The following RPAP3 variants were observed in gnomAD, a reference collection of about 807,000 sequenced individuals.
RPAP3 encodes RNA polymerase II-associated protein 3.
A neutral mutation model predicts 88.8 loss-of-function variants in RPAP3; 58 were observed. The ratio of observed to expected loss-of-function variants is 0.65; its 90% CI spans 0.53 to 0.81. RPAP3 has a LOEUF of 0.81. Ranked by LOEUF, RPAP3 falls within the 40% of genes least tolerant of loss-of-function variation. RPAP3 has a pLI of 0.00. For missense variants in RPAP3, 751 were observed against 764.3 expected, an observed-to-expected ratio of 0.98 and a Z score of 0.20; for synonymous variants, 255 against 259.9, an observed-to-expected ratio of 0.98 and a Z score of 0.18.
At chr12:47,668,814 A>G in intron 14 of RPAP3, 102 bp downstream of exon 14, 1 of 819,106 alleles carries the variant, frequency 1.2e-6, no homozygotes, top group South Asian at 1.7e-5. Flanking sequence ...TAATTTCTAC[A>G]ATAATATCCT....
At chr12:47,700,543 A>G (rs1474332571) in intron 3 of RPAP3, among the ~76,000 whole-genome samples, 2 of 152,230 alleles carry the variant, frequency 1.3e-5, no homozygotes, top group East Asian at 3.8e-4. Context: ...CCCAACATAC[A>G]TACCCCTAAC....
chr12:47,688,514 A>G (rs1939368539), intron 7 of RPAP3, among the ~76,000 whole-genome samples: 1 of 152,216 alleles, frequency 6.6e-6, no homozygotes, highest in African/African-American at 2.4e-5. Context: ...AAATAAATAA[A>G]TAAGTAGCAT....
At chr12:47,680,208 C>A (rs1015830197) in intron 10 of RPAP3, among the ~76,000 whole-genome samples, 1 of 152,084 alleles carries the variant, frequency 6.6e-6, no homozygotes, top group Admixed American at 6.6e-5. Flanking sequence ...GGCAAAAGGA[C>A]AAATACTGCA....
intron 14 of RPAP3, 60 bp downstream of exon 14, chr12:47,668,856 A>G (rs1226914997): frequency 7.7e-7 from 1 of 1,297,348 alleles, no homozygotes; most frequent in Non-Finnish European, 1.1e-6. Context: ...ATTATTATAA[A>G]GTGACAGAAG....
chr12:47,669,899 AC>A (rs1938960179), intron 13 of RPAP3, among the ~76,000 whole-genome samples: 1 of 152,214 alleles, frequency 6.6e-6, no homozygotes, highest in Non-Finnish European at 1.5e-5. Flanking sequence ...TTTAAATTTC[AC>A]ACTGTGGTTA....
chr12:47,688,853 T>C (rs1939374550), intron 7 of RPAP3, among the ~76,000 whole-genome samples: 1 of 152,114 alleles, frequency 6.6e-6, no homozygotes, highest in Admixed American at 6.6e-5. Context: ...AGAAAATCAG[T>C]GGGATAAAAA....
At chr12:47,676,372 C>T (rs1053676203) in intron 12 of RPAP3, among the ~76,000 whole-genome samples, 29 of 152,172 alleles carry the variant, frequency 1.9e-4, no homozygotes, top group Middle Eastern at 6.8e-3. Flanking sequence ...CAAAACCTAG[C>T]AGAAGGCAAG....
rs766199540 is a variant in RPAP3 at position 47,696,410 on chromosome 12, GA to G, written c.418-8del. Reference sequence around the variant, plus strand: ...GTTTGAAGTATTTATTGCCCTGAAAGAAAATTATATAAAATGATCTTTTTTA... The same window carrying G: ...GTTTGAAGTATTTATTGCCCTGAAAGAAATTATATAAAATGATCTTTTTTA... On this transcript the variant is annotated splice_polypyrimidine_tract_variant and splice_region_variant and intron_variant, in intron 4 of 16. Transcript: ENST00000005386. The G allele has an allele frequency of 1.0e-5, 16 of 1,545,336 alleles. No homozygotes were observed. The highest frequency in any genetic ancestry group is 4.0e-5 in the Admixed American group (2 of 50,468).
intron 9 of RPAP3, 117 bp from the exon 10 acceptor site, chr12:47,681,934 TCTGTG>T: frequency 2.0e-6 from 2 of 989,206 alleles, no homozygotes; most frequent in Non-Finnish European, 2.8e-6. Context: ...AACTTCTAAA[TCTGTG>T]TTTGAAGTGG....
At chr12:47,667,882 G>T (rs1365715532) in intron 14 of RPAP3, 31 bp from the exon 15 acceptor site, 5 of 1,323,134 alleles carry the variant, frequency 3.8e-6, no homozygotes, top group South Asian at 1.2e-5. Context: ...ACAATTACTT[G>T]ATGGCAACAC....
Position 47,662,985 on chromosome 12 carries a change from T to C in RPAP3, c.*520A>G, listed in dbSNP as rs547298365. On this transcript the variant is annotated 3_prime_UTR_variant, in exon 17 of 17. Transcript: ENST00000005386. ...CAATTAACCTAGTTTGAAAGTCTAG[T>C]TAAAAGTCTTCTTTCTTTCAACATA... 1 of 152,430 alleles carries C rather than the reference T, an allele frequency of 6.6e-6. No homozygotes were observed. The highest frequency in any genetic ancestry group is 1.5e-5 in the Non-Finnish European group (1 of 68,076). The allele number at this position is 152,430 out of a possible 1,614,324, so 9.4% of individuals were successfully genotyped here. A position where few individuals can be genotyped will look rare whatever the true frequency, so the allele number is the denominator to read the frequency against.
At chr12:47,686,359 C>T (rs992718466) in intron 9 of RPAP3, among the ~76,000 whole-genome samples, 3 of 152,140 alleles carry the variant, frequency 2.0e-5, no homozygotes, top group African/African-American at 7.2e-5. Flanking sequence ...GCCCAAGGGG[C>T]TCTGAAGTGA....
intron 3 of RPAP3, 193 bp downstream of exon 3, chr12:47,701,271 A>C (rs1939648714): frequency 5.3e-6 from 2 of 377,890 alleles, no homozygotes; most frequent in African/African-American, 2.1e-5. Flanking sequence ...TTGCTGAAAG[A>C]GGATTGCAGA....
chr12:47,678,607 T>C (rs1170502454), intron 12 of RPAP3, among the ~76,000 whole-genome samples: 1 of 152,176 alleles, frequency 6.6e-6, no homozygotes, highest in African/African-American at 2.4e-5. Flanking sequence ...CAGACACTTC[T>C]CAAAAGAAGA....
At chr12:47,688,160 T>C (rs1244381165) in intron 7 of RPAP3, among the ~76,000 whole-genome samples, 159 bp from the exon 8 acceptor site, 2 of 152,224 alleles carry the variant, frequency 1.3e-5, no homozygotes. Context: ...TTTCTACTTA[T>C]TAAAGTAAAA....
At chr12:47,705,480 TTCACCCA>T (rs1029034565) in intron 1 of RPAP3, among the ~76,000 whole-genome samples, 6 of 152,218 alleles carry the variant, frequency 3.9e-5, no homozygotes, top group Non-Finnish European at 7.3e-5. Flanking sequence ...GCTTTTCCAT[TTCACCCA>T]TCACCGCTGC....
intron 5 of RPAP3, among the ~76,000 whole-genome samples, chr12:47,690,932 A>G (rs774993532): frequency 2.6e-5 from 4 of 152,234 alleles, no homozygotes; most frequent in Non-Finnish European, 5.9e-5. Flanking sequence ...CTGTAATCTA[A>G]TAAGTGTGCA....
intron 12 of RPAP3, among the ~76,000 whole-genome samples, chr12:47,673,718 G>T (rs937349725): frequency 6.6e-6 from 1 of 152,068 alleles, no homozygotes; most frequent in Non-Finnish European, 1.5e-5. Context: ...GGGGTACATA[G>T]AGAGGTTTTT....
chr12:47,663,450 G>T lies in RPAP3; in HGVS notation c.*55C>A. On this transcript the variant is annotated 3_prime_UTR_variant, in exon 17 of 17. Transcript: ENST00000005386. ...TTTCTTAAAAAGCAAAACACTTTCA[G>T]TAGAAAAAATTTACATATGAAAGTC... The T allele has an allele frequency of 1.8e-6, 2 of 1,133,776 alleles. No individual in the cohort carries two copies. Among genetic ancestry groups the T allele is most frequent in the Non-Finnish European group, 2.6e-6 (2 of 766,876 alleles). The allele number at this position is 1,133,776 out of a possible 1,614,324, so 70.2% of individuals were successfully genotyped here.
Sources: allele counts gnomAD v4.1 joint callset (sites outside exome capture counted in the v4.1 genomes callset), GRCh38; gene constraint gnomAD v4.1.1; transcripts MANE v1.5; gene names NCBI Gene and HGNC (gene_info 2026-07-23, HGNC 2026-07-21).